COL22A1: variants seen among roughly 807,000 people sequenced by gnomAD.
COL22A1 encodes the protein collagen type XXII alpha 1 chain.
A neutral mutation model predicts 248.9 loss-of-function variants in COL22A1; 221 were observed. The observed-to-expected ratio is 0.89, with a 90% CI of 0.80 to 0.99. The LOEUF (loss-of-function observed/expected upper bound fraction) is 0.99. Among genes scored for constraint, COL22A1 ranks in the 50% least tolerant of loss-of-function variants. The pLI is 0.00. For synonymous variants in COL22A1, 891 were observed against 793.4 expected (o/e 1.12, Z -2.07); for missense variants, 2,240 against 2,179.0 (o/e 1.03, Z -0.56).
intron 40 of COL22A1, among the ~76,000 whole-genome samples, chr8:138,678,883 T>C (rs963545507): frequency 1.1e-4 from 16 of 152,196 alleles, no homozygotes; most frequent in African/African-American, 3.9e-4. Flanking sequence ...GAGAAATACA[T>C]TGTATATTAT....
intron 22 of COL22A1, among the ~76,000 whole-genome samples, chr8:138,748,676 C>T (rs2131327150): frequency 6.6e-6 from 1 of 152,282 alleles, no homozygotes; most frequent in South Asian, 2.1e-4. Flanking sequence ...TTTTATTCCT[C>T]AAATCTCCAG....
chr8:138,658,415 C>G (rs1018050739), intron 44 of COL22A1, among the ~76,000 whole-genome samples: 1 of 152,194 alleles, frequency 6.6e-6, no homozygotes, highest in Non-Finnish European at 1.5e-5. Context: ...CTCAGTCTGA[C>G]CTCCAGAGAG....
At chr8:138,604,497 A>C (rs1818276085) in intron 59 of COL22A1, among the ~76,000 whole-genome samples, 1 of 152,230 alleles carries the variant, frequency 6.6e-6, no homozygotes, top group Non-Finnish European at 1.5e-5. Context: ...CTGAGGAATA[A>C]ACAAGTGAAA....
chr8:138,805,639 G>T (rs1817508148), intron 10 of COL22A1, among the ~76,000 whole-genome samples: 3 of 146,596 alleles, frequency 2.0e-5, no homozygotes, highest in Admixed American at 6.8e-5. Flanking sequence ...GTGTGTGATG[G>T]TATGTGTGAT....
Position 138,762,459 on chromosome 8 carries a change from C to T in COL22A1, c.1811G>A (p.Arg604Gln), listed in dbSNP as rs764460053. ...CTTCCCAGGGAATCCATCCAGGCCTCGCTCTCCCTGGCAAAAGAAGGCAAA... is the reference window on the plus strand; with the variant it reads ...CTTCCCAGGGAATCCATCCAGGCCTTGCTCTCCCTGGCAAAAGAAGGCAAA... ...EKGTRGEKGE[R>Q]GLDGFPGKPG... is the part of the protein sequence containing the mutation. The change falls in exon 17 of 65, where the codon CGA becomes CAA. Residue 604 changes from arginine to glutamine, a missense_variant. Arg to Gln is a conservative substitution (Grantham distance 43). Transcript: ENST00000303045. 3.0e-5 allele frequency: 48 copies of T among 1,614,028 alleles called. No homozygotes were observed. The highest frequency in any genetic ancestry group is 5.0e-5 in the Admixed American group (3 of 60,000).
In COL22A1 at chr8:138,760,180, C is replaced by A. The variant is rs899385694; in HGVS notation, c.1902+63G>T. 3 of 1,373,398 alleles carry A rather than the reference C, an allele frequency of 2.2e-6. No homozygotes were observed. In the African/African-American group the frequency reaches 4.5e-5, roughly 21 times the overall value. 85.1% of individuals were successfully genotyped at this position (1,373,398 alleles called of 1,614,324 possible). ...CTTCCCTGAGCCTGGTTTGCCAAGG[C>A]GGGCAGTCCCCGCACCTGCCTGCCC... On this transcript the variant is annotated intron_variant, in intron 18 of 64. Coordinates refer to ENST00000303045, the MANE Select transcript of COL22A1 (RefSeq NM_152888.3).
chr8:138,822,386 T>A (rs1448124918), intron 6 of COL22A1, among the ~76,000 whole-genome samples: 1 of 152,188 alleles, frequency 6.6e-6, no homozygotes, highest in Non-Finnish European at 1.5e-5. Flanking sequence ...GATTATGTTC[T>A]CATCCATGTA....
chr8:138,621,167 C>T lies in COL22A1; in HGVS notation c.3772-1659G>A, dbSNP rs193138930. Among the ~76,000 whole-genome samples the T allele has an allele frequency of 5.9e-3, 901 of 152,348 alleles. 3 individuals are homozygous for T. Among genetic ancestry groups the T allele is most frequent in the Admixed American group, 0.012 (180 of 15,306 alleles). ...TTCCAACCACATCCCCTGGGGCCCACCCAGGGAGGTGTCTGCCTCCTTGTG... is the reference window on the plus strand; with the variant it reads ...TTCCAACCACATCCCCTGGGGCCCATCCAGGGAGGTGTCTGCCTCCTTGTG... On this transcript the variant is annotated intron_variant, in intron 52 of 64. Transcript: ENST00000303045.
At chr8:138,601,836 A>C (rs1587644117) in intron 60 of COL22A1, among the ~76,000 whole-genome samples, 1 of 152,172 alleles carries the variant, frequency 6.6e-6, no homozygotes, top group Admixed American at 6.5e-5. Context: ...TTGCCTTTGA[A>C]TCTCTAATTG....
intron 41 of COL22A1, among the ~76,000 whole-genome samples, chr8:138,664,021 A>T (rs1219932448): frequency 6.6e-6 from 1 of 151,658 alleles, no homozygotes; most frequent in Admixed American, 6.6e-5. Flanking sequence ...TCTACTTTGT[A>T]GCTCTAGTGT....
chr8:138,616,383 G>A (rs1049102392), intron 54 of COL22A1, among the ~76,000 whole-genome samples: 1 of 152,210 alleles, frequency 6.6e-6, no homozygotes, highest in Non-Finnish European at 1.5e-5. Context: ...CTACACCTGT[G>A]CTTGCTCCTT....
intron 58 of COL22A1, among the ~76,000 whole-genome samples, chr8:138,604,976 G>A (rs1174518594): frequency 1.3e-5 from 2 of 152,148 alleles, no homozygotes; most frequent in Non-Finnish European, 2.9e-5. Context: ...AGGAAGAAGA[G>A]CCACGGGTTA....
chr8:138,669,995 T>G (rs1053742035), intron 41 of COL22A1, among the ~76,000 whole-genome samples: 6 of 150,972 alleles, frequency 4.0e-5, no homozygotes, highest in African/African-American at 1.2e-4. Context: ...CAAGCAATTC[T>G]CCTGCCTCAG....
chr8:138,618,160 C>T (rs964140849), intron 53 of COL22A1, among the ~76,000 whole-genome samples: 2 of 152,174 alleles, frequency 1.3e-5, no homozygotes, highest in African/African-American at 4.8e-5. Context: ...AGAATGGGAG[C>T]TATTATGACT....
intron 5 of COL22A1, among the ~76,000 whole-genome samples, chr8:138,829,234 T>C (rs1049448878): frequency 2.6e-5 from 4 of 152,100 alleles, no homozygotes; most frequent in African/African-American, 9.7e-5. Context: ...CCATCACTCA[T>C]AGCACCTGGG....
chr8:138,836,924 G>C (rs1038475513), intron 4 of COL22A1, among the ~76,000 whole-genome samples: 3 of 152,192 alleles, frequency 2.0e-5, no homozygotes, highest in Admixed American at 1.3e-4. Flanking sequence ...GTAAAGGTAC[G>C]ATGCACACTG....
chr8:138,914,004 AG>A lies in COL22A1; in HGVS notation c.-459del, dbSNP rs1372089586. 6.5e-6 allele frequency: 1 copy of A among 152,678 alleles called. No individual in the cohort carries two copies. Among genetic ancestry groups the A allele is most frequent in the Non-Finnish European group, 1.5e-5 (1 of 68,404 alleles). The allele number at this position is 152,678 out of a possible 1,614,324, so 9.5% of individuals were successfully genotyped here. A position where few individuals can be genotyped will look rare whatever the true frequency, so the allele number is the denominator to read the frequency against. On this transcript the variant is annotated 5_prime_UTR_variant, in exon 1 of 65. Coordinates refer to ENST00000303045, the MANE Select transcript of COL22A1 (RefSeq NM_152888.3). The stretch of plus-strand genomic sequence containing the variant: ...GCCTCGGCCAGCCCCGCCACTGCCC[AG>A]GAACAAAGCTGTCTGGAGCCTCCCC...
At chr8:138,599,541 T>C (rs1269184557) in intron 60 of COL22A1, among the ~76,000 whole-genome samples, 1 of 152,110 alleles carries the variant, frequency 6.6e-6, no homozygotes, top group Non-Finnish European at 1.5e-5. Context: ...CAAGATGTTA[T>C]GACTCCATCA....
At chr8:138,729,529 G>C (rs116109206) in intron 23 of COL22A1, among the ~76,000 whole-genome samples, 1 of 152,190 alleles carries the variant, frequency 6.6e-6, no homozygotes, top group African/African-American at 2.4e-5. Flanking sequence ...AGCAACTGCC[G>C]TAGCCATTTA....
Sources: allele counts gnomAD v4.1 joint callset (sites outside exome capture counted in the v4.1 genomes callset), GRCh38; gene constraint gnomAD v4.1.1; transcripts MANE v1.5; gene names NCBI Gene and HGNC (gene_info 2026-07-23, HGNC 2026-07-21).